Variants in FAF1 observed in about 807,000 individuals in gnomAD.
The protein encoded by FAF1 is FAS-associated factor 1.
In FAF1, 25 loss-of-function variants were observed where a neutral mutation model predicts 92.5. The observed-to-expected ratio is 0.27, with a 90% CI of 0.20 to 0.38. The LOEUF (loss-of-function observed/expected upper bound fraction) is 0.38, where lower values mean the gene tolerates loss of function less well. Ranked by LOEUF, FAF1 falls within the 10% of genes least tolerant of loss-of-function variation. FAF1 has a pLI of 1.00. For synonymous variants in FAF1, 234 were observed against 273.2 expected, an observed-to-expected ratio of 0.86 and a Z score of 1.42; for missense variants, 636 against 793.3, an observed-to-expected ratio of 0.80 and a Z score of 2.38.
At chr1:50,669,328 A>G (rs1018026930) in intron 7 of FAF1, among the ~76,000 whole-genome samples, 4 of 152,192 alleles carry the variant, frequency 2.6e-5, no homozygotes, top group Admixed American at 2.0e-4. Flanking sequence ...TAATAAGATA[A>G]AGGGGGGAAA....
At chr1:50,659,655 T>A (rs939601097) in intron 7 of FAF1, among the ~76,000 whole-genome samples, 1 of 152,180 alleles carries the variant, frequency 6.6e-6, no homozygotes, top group Admixed American at 6.5e-5. Flanking sequence ...CAATTCTTGT[T>A]TTACATGCAA....
intron 8 of FAF1, among the ~76,000 whole-genome samples, chr1:50,628,168 T>A (rs539705773): frequency 6.6e-6 from 1 of 152,252 alleles, no homozygotes; most frequent in South Asian, 2.1e-4. Flanking sequence ...CATGTTTAAA[T>A]GTGAACAGAA....
rs556249138 is a variant in FAF1 at position 50,437,103 on chromosome 1, C to A, written c.*4337G>T. The stretch of plus-strand genomic sequence containing the variant: ...AATGCAACAGTGAGGAGCTGTGTGG[C>A]CAGTTGGGGTTAAGTGTCACCTTCC... On this transcript the variant is annotated 3_prime_UTR_variant, in exon 19 of 19. Transcript: ENST00000396153. The A allele has an allele frequency of 2.0e-5, 3 of 152,272 alleles. No homozygotes were observed. In the South Asian group the frequency reaches 6.2e-4, roughly 32 times the overall value. The allele number at this position is 152,272 out of a possible 1,614,324, so 9.4% of individuals were successfully genotyped here.
chr1:50,600,029 T>C (rs1652022613), intron 8 of FAF1, among the ~76,000 whole-genome samples: 1 of 152,184 alleles, frequency 6.6e-6, no homozygotes, highest in Admixed American at 6.5e-5. Flanking sequence ...AGATTACGGA[T>C]ACTCAACCTG....
At chr1:50,938,293 G>T (rs1645103131) in intron 1 of FAF1, among the ~76,000 whole-genome samples, 1 of 152,146 alleles carries the variant, frequency 6.6e-6, no homozygotes, top group African/African-American at 2.4e-5. Context: ...CCAGGAGGGA[G>T]CTCCTTGCCA....
At chr1:50,531,077 TA>T (rs1358260105) in intron 15 of FAF1, among the ~76,000 whole-genome samples, 1 of 152,218 alleles carries the variant, frequency 6.6e-6, no homozygotes, top group Non-Finnish European at 1.5e-5. Flanking sequence ...ATGCTGTTTT[TA>T]AATCCTAAAT....
intron 1 of FAF1, among the ~76,000 whole-genome samples, chr1:50,882,931 C>G (rs762496296): frequency 6.6e-6 from 1 of 151,420 alleles, no homozygotes; most frequent in Non-Finnish European, 1.5e-5. Flanking sequence ...TTGTAGTAAG[C>G]CGAGATTGCG....
intron 1 of FAF1, among the ~76,000 whole-genome samples, chr1:50,907,365 G>C (rs1644848692): frequency 6.6e-6 from 1 of 152,194 alleles, no homozygotes; most frequent in South Asian, 2.1e-4. Context: ...TCTCTGCCGA[G>C]CTTTGGTATC....
chr1:50,818,489 T>C (rs1375787200), intron 2 of FAF1, among the ~76,000 whole-genome samples: 1 of 152,178 alleles, frequency 6.6e-6, no homozygotes, highest in Non-Finnish European at 1.5e-5. Flanking sequence ...AACCAATGAA[T>C]AAACAGATTG....
At chr1:50,634,988 C>T (rs1653945173) in intron 8 of FAF1, among the ~76,000 whole-genome samples, 1 of 152,144 alleles carries the variant, frequency 6.6e-6, no homozygotes, top group African/African-American at 2.4e-5. Context: ...TTATAATCTA[C>T]TACTTGGCTC....
intron 1 of FAF1, among the ~76,000 whole-genome samples, chr1:50,884,177 A>G (rs1445867704): frequency 1.3e-5 from 2 of 152,046 alleles, no homozygotes; most frequent in African/African-American, 4.8e-5. Context: ...AAAGCAACAA[A>G]CTTGTATGTA....
chr1:50,505,158 C>T (rs1390801169), intron 15 of FAF1, among the ~76,000 whole-genome samples: 2 of 152,140 alleles, frequency 1.3e-5, no homozygotes, highest in African/African-American at 4.8e-5. Flanking sequence ...AGTTAATCCA[C>T]ACTGGGGGAG....
intron 15 of FAF1, among the ~76,000 whole-genome samples, chr1:50,534,700 C>T (rs78646566): frequency 0.025 from 3,875 of 152,190 alleles, 60 homozygotes; most frequent in Non-Finnish European, 0.042. Context: ...TACAACTTCA[C>T]GGGTTATTTT....
chr1:50,451,902 T>A, intron 18 of FAF1: 1 of 1,082,950 alleles, frequency 9.2e-7, no homozygotes, highest in Non-Finnish European at 1.1e-6. Flanking sequence ...AATGTTAAAA[T>A]GGTCTCAAAC....
chr1:50,796,760 A>T (rs1014853416), intron 3 of FAF1, among the ~76,000 whole-genome samples: 1 of 152,136 alleles, frequency 6.6e-6, no homozygotes, highest in Admixed American at 6.5e-5. Flanking sequence ...AGGTTGTCTC[A>T]GTATCCCTTT....
intron 15 of FAF1, among the ~76,000 whole-genome samples, chr1:50,530,640 T>C (rs191500357): frequency 1.6e-4 from 25 of 152,278 alleles, no homozygotes; most frequent in Non-Finnish European, 3.1e-4. Context: ...AAGAATGTAA[T>C]TGGATTGTTT....
intron 13 of FAF1, among the ~76,000 whole-genome samples, chr1:50,543,312 C>A (rs1648844185): frequency 6.6e-6 from 1 of 152,032 alleles, no homozygotes; most frequent in Non-Finnish European, 1.5e-5. Flanking sequence ...AGATGAAATT[C>A]CACAAATGCT....
At chr1:50,933,267 T>C (rs1439714140) in intron 1 of FAF1, among the ~76,000 whole-genome samples, 1 of 152,216 alleles carries the variant, frequency 6.6e-6, no homozygotes, top group African/African-American at 2.4e-5. Flanking sequence ...TCTTTTGTCC[T>C]TTTAAAATGG....
chr1:50,580,687 G>A (rs1294786205), intron 12 of FAF1, among the ~76,000 whole-genome samples: 1 of 152,042 alleles, frequency 6.6e-6, no homozygotes, highest in Non-Finnish European at 1.5e-5. Flanking sequence ...CATATATATG[G>A]TCAACTAAAC....
Sources: allele counts gnomAD v4.1 joint callset (sites outside exome capture counted in the v4.1 genomes callset), GRCh38; gene constraint gnomAD v4.1.1; transcripts MANE v1.5; gene names NCBI Gene and HGNC (gene_info 2026-07-23, HGNC 2026-07-21).